KCNH8: variants seen among roughly 807,000 people sequenced by gnomAD.
KCNH8 encodes potassium voltage-gated channel subfamily H member 8.
A neutral mutation model predicts 103.6 loss-of-function variants in KCNH8; 70 were observed. The ratio of observed to expected loss-of-function variants is 0.68; its 90% CI spans 0.56 to 0.82. The LOEUF (loss-of-function observed/expected upper bound fraction) is 0.82. Ranked by LOEUF, KCNH8 falls within the 40% of genes least tolerant of loss-of-function variation. KCNH8 has a pLI of 0.00. For synonymous variants in KCNH8, 498 were observed against 489.4 expected (o/e 1.02, Z -0.23); for missense variants, 1,217 against 1,329.9 (o/e 0.92, Z 1.32).
intron 13 of KCNH8, among the ~76,000 whole-genome samples, chr3:19,515,001 ATAT>A (rs1207539924): frequency 1.3e-5 from 2 of 150,402 alleles, no homozygotes; most frequent in Non-Finnish European, 2.9e-5. Context: ...AATTTTAATA[ATAT>A]ATTTTATTTG....
At chr3:19,503,811 G>A (rs2068638614) in intron 11 of KCNH8, among the ~76,000 whole-genome samples, 1 of 151,732 alleles carries the variant, frequency 6.6e-6, no homozygotes. Context: ...ATAGCATTAG[G>A]AGATATACCT....
chr3:19,377,381 T>G (rs1239387918), intron 5 of KCNH8, among the ~76,000 whole-genome samples: 1 of 152,180 alleles, frequency 6.6e-6, no homozygotes, highest in Non-Finnish European at 1.5e-5. Context: ...CATGGTCAAT[T>G]TCAGGTAATC....
At chr3:19,329,664 G>A (rs1461503247) in intron 3 of KCNH8, among the ~76,000 whole-genome samples, 1 of 152,170 alleles carries the variant, frequency 6.6e-6, no homozygotes, top group Non-Finnish European at 1.5e-5. Context: ...ATACATAAAA[G>A]TGCTTTGCAT....
In KCNH8 at chr3:19,531,483, G is replaced by T. The variant is rs2125254533; in HGVS notation, c.2620-1912G>T. On this transcript the variant is annotated intron_variant, in intron 15 of 15. Coordinates refer to ENST00000328405, the MANE Select transcript of KCNH8 (RefSeq NM_144633.3). Reference sequence around the variant, plus strand: ...AGGCTGAGAGATGTTGTTGTCTTCAGAAGTTTTAGATCTGCTGAAAAGCCT... The same window carrying T: ...AGGCTGAGAGATGTTGTTGTCTTCATAAGTTTTAGATCTGCTGAAAAGCCT... Among the ~76,000 whole-genome samples, 3 of 152,328 alleles carry T rather than the reference G, an allele frequency of 2.0e-5. 1 individual carries two copies. The South Asian group carries it at 6.2e-4, about 32-fold the overall frequency.
chr3:19,309,695 C>T (rs1364178497), intron 3 of KCNH8, among the ~76,000 whole-genome samples: 2 of 151,772 alleles, frequency 1.3e-5, no homozygotes, highest in African/African-American at 2.4e-5. Flanking sequence ...AAAGAATTTT[C>T]AAAGGAATTG....
chr3:19,265,169 A>G (rs548283155), intron 2 of KCNH8, among the ~76,000 whole-genome samples: 52 of 152,238 alleles, frequency 3.4e-4, no homozygotes, highest in African/African-American at 1.2e-3. Context: ...ATTCTAGTTC[A>G]GTGACTTTGC....
intron 7 of KCNH8, among the ~76,000 whole-genome samples, chr3:19,429,832 T>C (rs2067093216): frequency 6.6e-6 from 1 of 152,220 alleles, no homozygotes; most frequent in Admixed American, 6.5e-5. Context: ...TGGTTTTCTT[T>C]TCCTGCGTTA....
intron 1 of KCNH8, among the ~76,000 whole-genome samples, chr3:19,184,464 G>T (rs975039973): frequency 3.3e-5 from 5 of 151,832 alleles, no homozygotes; most frequent in African/African-American, 1.2e-4. Flanking sequence ...CACTTCAACT[G>T]TATATGTAAT....
chr3:19,483,868 A>AT (rs34648942), intron 11 of KCNH8, among the ~76,000 whole-genome samples: 4,801 of 151,582 alleles, frequency 0.032, 210 homozygotes, highest in African/African-American at 0.095. Context: ...AGGAAGGGCC[A>AT]TTTTTTTCTT....
intron 1 of KCNH8, among the ~76,000 whole-genome samples, chr3:19,205,958 C>T (rs1480457170): frequency 1.3e-5 from 2 of 151,704 alleles, no homozygotes; most frequent in Non-Finnish European, 2.9e-5. Context: ...TTATCTCTCA[C>T]GCCCTTTCCA....
chr3:19,423,988 G>A (rs1303221112), intron 7 of KCNH8, among the ~76,000 whole-genome samples: 1 of 151,912 alleles, frequency 6.6e-6, no homozygotes, highest in Admixed American at 6.6e-5. Context: ...GCAGGAGTAA[G>A]GTGGTATCTC....
intron 11 of KCNH8, among the ~76,000 whole-genome samples, chr3:19,509,688 C>CTGAT (rs1453947827): frequency 6.6e-6 from 1 of 152,154 alleles, no homozygotes; most frequent in Non-Finnish European, 1.5e-5. Context: ...TATATCAACA[C>CTGAT]TGATTGGCAG....
At chr3:19,499,220 C>A (rs543248385) in intron 11 of KCNH8, among the ~76,000 whole-genome samples, 9 of 151,844 alleles carry the variant, frequency 5.9e-5, no homozygotes, top group Non-Finnish European at 7.4e-5. Context: ...TGAAATGAAG[C>A]GAGAAGGGAA....
chr3:19,222,284 A>AT lies in KCNH8; in HGVS notation c.77-31362dup, dbSNP rs573168182. On this transcript the variant is annotated intron_variant, in intron 1 of 15. Coordinates refer to ENST00000328405, the MANE Select transcript of KCNH8 (RefSeq NM_144633.3). ...GGCTATGCCCTTCTACATAAAACATATTTTTTTTCCTAATTATTTGCAGAT... is the reference window on the plus strand; with the variant it reads ...GGCTATGCCCTTCTACATAAAACATATTTTTTTTTCCTAATTATTTGCAGAT... 3.0e-3 allele frequency among the ~76,000 whole-genome samples: 462 copies of AT among 152,078 alleles called. 1 individual carries two copies. The highest frequency in any genetic ancestry group is 0.011 in the African/African-American group (443 of 41,468).
At chr3:19,307,829 G>T (rs2065149816) in intron 3 of KCNH8, among the ~76,000 whole-genome samples, 1 of 151,776 alleles carries the variant, frequency 6.6e-6, no homozygotes, top group African/African-American at 2.4e-5. Context: ...CTCATATATG[G>T]AAGCTAAAAA....
intron 11 of KCNH8, among the ~76,000 whole-genome samples, chr3:19,489,363 T>C (rs2068273292): frequency 6.6e-6 from 1 of 152,154 alleles, no homozygotes; most frequent in Admixed American, 6.5e-5. Flanking sequence ...CCTTTGCTAC[T>C]AGTACTGCTG....
At chr3:19,271,691 A>C (rs79010727) in intron 2 of KCNH8, among the ~76,000 whole-genome samples, 11,578 of 152,206 alleles carry the variant, frequency 0.076, 1,437 homozygotes, top group African/African-American at 0.26. Context: ...AGAATTAGCC[A>C]TATAACCAGT....
intron 6 of KCNH8, among the ~76,000 whole-genome samples, chr3:19,390,869 C>T (rs2066427255): frequency 6.6e-6 from 1 of 152,024 alleles, no homozygotes; most frequent in East Asian, 1.9e-4. Flanking sequence ...CCAGGAAACA[C>T]AGAAATGCTG....
At chr3:19,398,171 A>T (rs9861817) in intron 7 of KCNH8, among the ~76,000 whole-genome samples, 77,622 of 151,768 alleles carry the variant, frequency 0.51, 20,881 homozygotes, top group African/African-American at 0.68. Context: ...TTAAGTGCCC[A>T]TTACATACTT....
Sources: allele counts gnomAD v4.1 joint callset (sites outside exome capture counted in the v4.1 genomes callset), GRCh38; gene constraint gnomAD v4.1.1; transcripts MANE v1.5; gene names NCBI Gene and HGNC (gene_info 2026-07-23, HGNC 2026-07-21).